OSBPL3: variants seen among roughly 807,000 people sequenced by gnomAD.
The protein encoded by OSBPL3 is oxysterol binding protein like 3, also known as oxysterol-binding protein-related protein 3.
A neutral mutation model predicts 120.1 loss-of-function variants in OSBPL3; 65 were observed. The ratio of observed to expected loss-of-function variants is 0.54; its 90% CI spans 0.44 to 0.67. OSBPL3 has a LOEUF of 0.67. Among genes scored for constraint, OSBPL3 ranks in the 30% least tolerant of loss-of-function variants. The pLI is 0.00. For synonymous variants in OSBPL3, 416 were observed against 402.6 expected (o/e 1.03, Z -0.40); for missense variants, 1,004 against 1,082.1 (o/e 0.93, Z 1.01).
At chr7:24,948,078 G>C (rs1813950027) in intron 1 of OSBPL3, among the ~76,000 whole-genome samples, 1 of 152,102 alleles carries the variant, frequency 6.6e-6, no homozygotes, top group South Asian at 2.1e-4. Context: ...AATCCCTTGA[G>C]CTGGAGCTAA....
At chr7:24,981,042 T>C (rs749604463), upstream of OSBPL3, among the ~76,000 whole-genome samples, 13 of 152,052 alleles carry the variant, frequency 8.5e-5, no homozygotes, top group Admixed American at 3.3e-4. The surrounding 1 kb of genome is among the most constrained non-coding windows in gnomAD (Gnocchi z 7.3). Flanking sequence ...GCACCTAGTA[T>C]ATGCCAGGAG....
rs1414996594 is a variant in OSBPL3 at position 24,912,040 on chromosome 7, T to C, written c.-149-19419A>G. On this transcript the variant is annotated intron_variant, in intron 1 of 22. Transcript: ENST00000313367. This position sits in a 1 kb window ranked among gnomAD's most constrained non-coding sequence, Gnocchi z 4.5. ...CAATTTGAAGACTGTCTCATCCTTG[T>C]TTTTGTTTTTTCTTAATTGACACGG... Among the ~76,000 whole-genome samples, 1 of 152,218 alleles carries C rather than the reference T, an allele frequency of 6.6e-6. No homozygotes were observed. Among genetic ancestry groups the C allele is most frequent in the Non-Finnish European group, 1.5e-5 (1 of 68,036 alleles).
Position 24,922,304 on chromosome 7 carries a change from T to G in OSBPL3, c.-149-29683A>C, listed in dbSNP as rs1190064916. Among the ~76,000 whole-genome samples the G allele has an allele frequency of 6.6e-6, 1 of 152,148 alleles. No individual in the cohort carries two copies. Among genetic ancestry groups the G allele is most frequent in the African/African-American group, 2.4e-5 (1 of 41,432 alleles). On this transcript the variant is annotated intron_variant, in intron 1 of 22. Transcript: ENST00000313367. This position sits in a 1 kb window ranked among gnomAD's most constrained non-coding sequence, Gnocchi z 4.3. Reference sequence around the variant, plus strand: ...GAGGGGGACTGGGGAGAGCACAAACTTTCGTGTTAGAAAGGTGGCTTGTCC... The same window carrying G: ...GAGGGGGACTGGGGAGAGCACAAACGTTCGTGTTAGAAAGGTGGCTTGTCC...
In OSBPL3 at chr7:24,937,033, A is replaced by C. The variant is rs1274931781; in HGVS notation, c.-150+42853T>G. ...CATACCCAAGACTGGGTAATTTATA[A>C]AGGAAAGAGGTTTAATTGACTCACA... is the stretch of plus-strand genomic sequence containing the variant. On this transcript the variant is annotated intron_variant, in intron 1 of 22. Coordinates refer to ENST00000313367, the MANE Select transcript of OSBPL3 (RefSeq NM_015550.4). The surrounding 1 kb of genome is among the most constrained non-coding windows in gnomAD (Gnocchi z 4.0). Among the ~76,000 whole-genome samples the C allele has an allele frequency of 1.3e-5, 2 of 152,202 alleles. No individual in the cohort carries two copies. Among genetic ancestry groups the C allele is most frequent in the African/African-American group, 4.8e-5 (2 of 41,450 alleles).
At chr7:24,842,950 A>G (rs1797963321) in intron 12 of OSBPL3, among the ~76,000 whole-genome samples, 1 of 152,246 alleles carries the variant, frequency 6.6e-6, no homozygotes, top group Non-Finnish European at 1.5e-5. Context: ...CTATTCATGG[A>G]TGAATGATGT....
At chr7:24,962,400 A>C (rs1472221982) in intron 1 of OSBPL3, among the ~76,000 whole-genome samples, 23 of 99,006 alleles carry the variant, frequency 2.3e-4, no homozygotes, top group African/African-American at 8.4e-4. Context: ...GGGGGAGGGG[A>C]GGGCAGAAGG....
rs1040751307 is a variant in OSBPL3, at chr7:24,900,693, C to T, written c.-149-8072G>A. Among the ~76,000 whole-genome samples, 1 of 152,154 alleles carries T rather than the reference C, an allele frequency of 6.6e-6. No homozygotes were observed. The highest frequency in any genetic ancestry group is 1.9e-4 in the East Asian group (1 of 5,196). ...TAAAAGACAGAGTTGGCTGGCCAGG[C>T]GTGGTGGCTCATGCCTGTAATCCCA... is the stretch of plus-strand genomic sequence containing the variant. On this transcript the variant is annotated intron_variant, in intron 1 of 22. Coordinates refer to ENST00000313367, the MANE Select transcript of OSBPL3 (RefSeq NM_015550.4). The surrounding 1 kb of genome is among the most constrained non-coding windows in gnomAD (Gnocchi z 4.5).
At position 24,820,974 on chromosome 7, in the gene OSBPL3, G is replaced by A. The variant is rs1003167907; in HGVS notation, c.1885-736C>T. Among the ~76,000 whole-genome samples the A allele has an allele frequency of 6.6e-6, 1 of 152,318 alleles. No homozygotes were observed. The highest frequency in any genetic ancestry group is 1.5e-5 in the Non-Finnish European group (1 of 68,038). ...AGCAGAGAGTGCCCTTTGGCAAGGG[G>A]TCATTACTCATTTTATTCAGCAGTG... On this transcript the variant is annotated intron_variant, in intron 16 of 22. Coordinates refer to ENST00000313367, the MANE Select transcript of OSBPL3 (RefSeq NM_015550.4). The surrounding 1 kb of genome is among the most constrained non-coding windows in gnomAD (Gnocchi z 4.6).
chr7:24,886,521 T>C lies in OSBPL3; in HGVS notation c.96+5856A>G, dbSNP rs142427279. Among the ~76,000 whole-genome samples, 5 of 152,366 alleles carry C rather than the reference T, an allele frequency of 3.3e-5. No homozygotes were observed. In the East Asian group the frequency reaches 9.6e-4, roughly 29 times the overall value. On this transcript the variant is annotated intron_variant, in intron 2 of 22. Transcript: ENST00000313367. ...GCTTTTTGCTCCCGCATGTTCTCCA[T>C]GTATACCTGGCCATACATTCTCACC... is the stretch of plus-strand genomic sequence containing the variant.
intron 10 of OSBPL3, among the ~76,000 whole-genome samples, chr7:24,860,464 C>G (rs1042317004): frequency 6.6e-6 from 1 of 152,136 alleles, no homozygotes; most frequent in African/African-American, 2.4e-5. Context: ...CTCATGAGAT[C>G]TGATGGTTTT....
rs541889016 is a variant in OSBPL3 at position 24,966,374 on chromosome 7, A to G, written c.-150+13512T>C. Among the ~76,000 whole-genome samples, 2 of 152,286 alleles carry G rather than the reference A, an allele frequency of 1.3e-5. No individual in the cohort carries two copies. Among genetic ancestry groups the G allele is most frequent in the South Asian group, 4.1e-4 (2 of 4,826 alleles). ...GATCTATCTACACCTAGCTACACAC[A>G]CCCAGGAAAATAAGACCTCTGGATG... On this transcript the variant is annotated intron_variant, in intron 1 of 22. Coordinates refer to ENST00000313367, the MANE Select transcript of OSBPL3 (RefSeq NM_015550.4). The surrounding 1 kb of genome is among the most constrained non-coding windows in gnomAD (Gnocchi z 4.8).
rs1450815452 is a variant in OSBPL3, at chr7:24,802,154, T to C, written c.2568-1875A>G. ...GTTTCCCTATTCCAGTAACACTATA[T>C]GTTTAAAAATGAGTCAATCTGTGTA... On this transcript the variant is annotated intron_variant, in intron 22 of 22. Coordinates refer to ENST00000313367, the MANE Select transcript of OSBPL3 (RefSeq NM_015550.4). This position sits in a 1 kb window ranked among gnomAD's most constrained non-coding sequence, Gnocchi z 4.1. Among the ~76,000 whole-genome samples, 1 of 152,254 alleles carries C rather than the reference T, an allele frequency of 6.6e-6. No homozygotes were observed.
intron 20 of OSBPL3, among the ~76,000 whole-genome samples, chr7:24,807,167 T>G (rs904277537): frequency 3.3e-5 from 5 of 152,230 alleles, no homozygotes; most frequent in African/African-American, 1.2e-4. Context: ...GTTTCTGTAG[T>G]GCTTAAGCTA....
chr7:24,815,778 G>A lies in OSBPL3; in HGVS notation c.2028-575C>T, dbSNP rs1794394581. On this transcript the variant is annotated intron_variant, in intron 18 of 22. Coordinates refer to ENST00000313367, the MANE Select transcript of OSBPL3 (RefSeq NM_015550.4). The surrounding 1 kb of genome is among the most constrained non-coding windows in gnomAD (Gnocchi z 5.1). ...TTAATCTTCACAATAGCCCTAGGAA[G>A]TAGGTGGTTTATTATTCTCTTTTTC... Among the ~76,000 whole-genome samples, 2 of 152,202 alleles carry A rather than the reference G, an allele frequency of 1.3e-5. No individual in the cohort carries two copies. The highest frequency in any genetic ancestry group is 2.9e-5 in the Non-Finnish European group (2 of 68,046).
In OSBPL3 at chr7:24,851,431, G is replaced by A. The variant is rs1799140127; in HGVS notation, c.1158+1073C>T. ...ACAACAACTATATGTGCTACTGGCA[G>A]AGGATTTATCACTAACATTATATTA... On this transcript the variant is annotated intron_variant, in intron 11 of 22. Transcript: ENST00000313367. The surrounding 1 kb of genome is among the most constrained non-coding windows in gnomAD (Gnocchi z 4.1). 6.6e-6 allele frequency among the ~76,000 whole-genome samples: 1 copy of A among 152,212 alleles called. No individual in the cohort carries two copies.
At chr7:24,859,359 A>T (rs1211280173) in intron 10 of OSBPL3, among the ~76,000 whole-genome samples, 1 of 137,046 alleles carries the variant, frequency 7.3e-6, no homozygotes, top group Admixed American at 6.8e-5. Flanking sequence ...TTGAAAAAAA[A>T]GTTAAGCAGA....
chr7:24,851,635 T>C lies in OSBPL3; in HGVS notation c.1158+869A>G, dbSNP rs1007722371. On this transcript the variant is annotated intron_variant, in intron 11 of 22. Coordinates refer to ENST00000313367, the MANE Select transcript of OSBPL3 (RefSeq NM_015550.4). The surrounding 1 kb of genome is among the most constrained non-coding windows in gnomAD (Gnocchi z 4.1). The stretch of plus-strand genomic sequence containing the variant: ...GCAATTTCATATGTGCACACACTCT[T>C]TCTCTTTCTAAAGTAGGAATTCCAA... Among the ~76,000 whole-genome samples the C allele has an allele frequency of 1.3e-5, 2 of 152,192 alleles. No individual in the cohort carries two copies. The highest frequency in any genetic ancestry group is 2.9e-5 in the Non-Finnish European group (2 of 68,024).
intron 1 of OSBPL3, among the ~76,000 whole-genome samples, chr7:24,895,913 T>TGTATG (rs1806065981): frequency 6.6e-6 from 1 of 152,202 alleles, no homozygotes; most frequent in Non-Finnish European, 1.5e-5. Flanking sequence ...AATGTTACAC[T>TGTATG]TGCAAATACT....
rs1300478086 is a variant in OSBPL3 at position 24,877,539 on chromosome 7, G to A, written c.97-5470C>T. ...CTAGAACATGGGTTCCGTGAGGACAGGGACTGTGTCTTATTTATTACAATC... is the reference window on the plus strand; with the variant it reads ...CTAGAACATGGGTTCCGTGAGGACAAGGACTGTGTCTTATTTATTACAATC... On this transcript the variant is annotated intron_variant, in intron 2 of 22. Transcript: ENST00000313367. This position sits in a 1 kb window ranked among gnomAD's most constrained non-coding sequence, Gnocchi z 4.8. Among the ~76,000 whole-genome samples the A allele has an allele frequency of 6.6e-6, 1 of 152,178 alleles. No homozygotes were observed. The highest frequency in any genetic ancestry group is 2.1e-4 in the South Asian group (1 of 4,836).
Sources: gnomAD v4.1 joint callset for allele counts (sites outside exome capture counted in the v4.1 genomes callset) on GRCh38, gnomAD v4.1.1 for gene constraint, Gnocchi (gnomAD v3.1) non-coding constraint, MANE v1.5 for transcripts, NCBI Gene and HGNC (gene_info 2026-07-23, HGNC 2026-07-21) for gene names.